Variants in ZNF705A observed in about 807,000 individuals in gnomAD.
The protein encoded by ZNF705A is zinc finger protein 705A.
ZNF705A carries 8 observed loss-of-function variants against 16.6 expected under a neutral mutation model. The observed-to-expected ratio is 0.48, with a 90% CI of 0.28 to 0.87. ZNF705A has a LOEUF of 0.87. Among genes scored for constraint, ZNF705A ranks in the 40% least tolerant of loss-of-function variants. The pLI is 0.10. For missense variants in ZNF705A, 233 were observed against 359.9 expected (o/e 0.65, Z 2.85); for synonymous variants, 73 against 117.3 (o/e 0.62, Z 2.44).
chr12:8,161,527 G>A (rs1948354869), intron 1 of ZNF705A, among the ~76,000 whole-genome samples: 1 of 151,988 alleles, frequency 6.6e-6, no homozygotes, highest in African/African-American at 2.4e-5. Context: ...TAAGCTAGGA[G>A]GGTTGTATTT....
At chr12:8,166,041 G>A (rs12320002) in intron 1 of ZNF705A, among the ~76,000 whole-genome samples, 1,555 of 152,238 alleles carry the variant, frequency 0.01, 35 homozygotes, top group African/African-American at 0.036. Flanking sequence ...CAGTCCCCAT[G>A]GCTGCTGACA....
chr12:8,165,520 T>TAA (rs200863977), intron 1 of ZNF705A, among the ~76,000 whole-genome samples: 5 of 147,770 alleles, frequency 3.4e-5, no homozygotes, highest in Non-Finnish European at 6.0e-5. Context: ...TTTGCCCATT[T>TAA]AAAAAAAAAA....
At chr12:8,177,048 A>G (rs773275481) in exon 5 of ZNF705A, 3 of 1,610,852 alleles carry the variant, frequency 1.9e-6, no homozygotes, top group Admixed American at 3.3e-5. Context: ...GATTCGGGAG[A>G]AGATTGCACT....
chr12:8,170,350 A>G (rs1057372009), upstream of ZNF705A, among the ~76,000 whole-genome samples: 1 of 152,222 alleles, frequency 6.6e-6, no homozygotes, highest in Non-Finnish European at 1.5e-5. Context: ...TTTTAGACCC[A>G]TAACATGTTT....
intron 1 of ZNF705A, among the ~76,000 whole-genome samples, chr12:8,159,813 AG>A (rs572257889): frequency 2.6e-5 from 4 of 152,106 alleles, no homozygotes; most frequent in Non-Finnish European, 4.4e-5. Context: ...GCCATGCAAA[AG>A]TTCTTTGGTT....
intron 1 of ZNF705A, among the ~76,000 whole-genome samples, chr12:8,173,424 G>GA (rs746518357): frequency 1.3e-5 from 2 of 151,904 alleles, no homozygotes; most frequent in South Asian, 2.1e-4. Flanking sequence ...GGGCTGGTTA[G>GA]AAAAAAAACA....
At chr12:8,175,830 A>G in intron 3 of ZNF705A, 30 bp from the exon 5 acceptor site, 2 of 1,610,968 alleles carry the variant, frequency 1.2e-6, no homozygotes, top group Non-Finnish European at 8.5e-7. Flanking sequence ...CATAATACCA[A>G]TGTAACAATT....
At chr12:8,175,881 A>G (rs1175721248) in exon 4 of ZNF705A, 1 of 1,611,534 alleles carries the variant, frequency 6.2e-7, no homozygotes, top group South Asian at 1.1e-5. Context: ...GCCCTTAAGA[A>G]AAAACACATG....
In ZNF705A at chr12:8,177,788, T is replaced by C. The variant is rs1467468058; in HGVS notation, c.*205T>C. On this transcript the variant is annotated 3_prime_UTR_variant, in exon 5 of 5. Transcript: ENST00000359286. ...ATGTGGAAGAGACTTCAGCTGTAGT[T>C]GTAGCATCTAAACATGCCAAAGGAC... The C allele has an allele frequency of 4.8e-6, 4 of 834,836 alleles. No individual in the cohort carries two copies. In the African/African-American group the frequency reaches 6.9e-5, roughly 14 times the overall value. 51.7% of individuals were successfully genotyped at this position (834,836 alleles called of 1,614,324 possible).
chr12:8,174,153 CTG>C (rs1439455166), intron 1 of ZNF705A, among the ~76,000 whole-genome samples, 171 bp from the exon 3 acceptor site: 1 of 152,192 alleles, frequency 6.6e-6, no homozygotes, highest in East Asian at 1.9e-4. Context: ...GGGTATATCT[CTG>C]TGAGTGAATC....
chr12:8,178,203 T>C (rs1948502135), exon 5 of ZNF705A: 1 of 154,048 alleles, frequency 6.5e-6, no homozygotes, highest in Admixed American at 6.4e-5. Context: ...AACAGAGTGA[T>C]AAAATGCTGC....
At chr12:8,170,827 A>G (rs1223941696), upstream of ZNF705A, among the ~76,000 whole-genome samples, 2 of 152,234 alleles carry the variant, frequency 1.3e-5, no homozygotes, top group African/African-American at 2.4e-5. Context: ...AAAATAGTCC[A>G]AGGAATAAGA....
At position 8,175,869 on chromosome 12, in the gene ZNF705A, G is replaced by T. The variant is rs756732557; in HGVS notation, c.245G>T (p.Ser82Ile). 4.3e-6 allele frequency: 7 copies of T among 1,611,306 alleles called. No homozygotes were observed. The African/African-American group carries it at 6.7e-5, about 15-fold the overall frequency. ...TTTTCAATTATTTCAGACAGGGAAA[G>T]TGCCCTTAAGAAAAAACACATGATA... Residue 82 changes from serine (S) to isoleucine (I), a missense_variant, in exon 4 of 5, where the codon AGT becomes ATT. Coordinates refer to ENST00000359286, the Ensembl canonical transcript of ZNF705A.
rs776420587 is a variant in ZNF705A, at chr12:8,175,907, A to G, written c.283A>G (p.Ile95Val). The change falls in exon 4 of 5, where the codon ATC becomes GTC. Residue 95 changes from isoleucine to valine, a missense_variant. Coordinates refer to ENST00000359286, the Ensembl canonical transcript of ZNF705A. The stretch of plus-strand genomic sequence containing the variant: ...AAAACACATGATATCCATGCATCCT[A>G]TCACCAGAAAAGACGCATCCACCAG... 3.9e-5 allele frequency: 63 copies of G among 1,611,440 alleles called. No individual in the cohort carries two copies. The South Asian group carries it at 6.7e-4, about 17-fold the overall frequency.
chr12:8,166,462 T>C (rs1274588590), intron 1 of ZNF705A, among the ~76,000 whole-genome samples: 1 of 152,200 alleles, frequency 6.6e-6, no homozygotes, highest in African/African-American at 2.4e-5. Flanking sequence ...AGTGAATAAG[T>C]CTCACAAGTT....
chr12:8,172,757 TG>T, intron 1 of ZNF705A, 120 bp downstream of exon 2: 1 of 1,495,398 alleles, frequency 6.7e-7, no homozygotes, highest in Non-Finnish European at 9.1e-7. Flanking sequence ...GTTTTTATGA[TG>T]TAAAATCCAC....
intron 1 of ZNF705A, among the ~76,000 whole-genome samples, chr12:8,174,104 G>A (rs756551103): frequency 7.9e-5 from 12 of 152,216 alleles, no homozygotes; most frequent in Admixed American, 3.3e-4. Context: ...CACACCTCAC[G>A]CGATATTTCT....
At chr12:8,163,917 C>T (rs368065919) in intron 1 of ZNF705A, among the ~76,000 whole-genome samples, 12 of 151,852 alleles carry the variant, frequency 7.9e-5, no homozygotes, top group African/African-American at 9.7e-5. Context: ...TTTTTTTAAC[C>T]GACTTTGTTG....
At chr12:8,176,860 T>C in intron 4 of ZNF705A, 139 bp from the exon 6 acceptor site, 2 of 1,349,530 alleles carry the variant, frequency 1.5e-6, no homozygotes, top group Admixed American at 5.3e-5. Flanking sequence ...AAATTTAATT[T>C]CCTTTCACAC....
Sources: gnomAD v4.1 joint callset for allele counts (sites outside exome capture counted in the v4.1 genomes callset) on GRCh38, gnomAD v4.1.1 for gene constraint, MANE v1.5 for transcripts, NCBI Gene and HGNC (gene_info 2026-07-23, HGNC 2026-07-21) for gene names.